ANK3: variants seen among roughly 807,000 people sequenced by gnomAD.
ANK3 encodes ankyrin 3.
Under a neutral mutation model 370.9 loss-of-function variants are expected in ANK3, and 57 were observed. The ratio of observed to expected loss-of-function variants is 0.15; its 90% CI spans 0.12 to 0.19. ANK3 has a LOEUF of 0.19. Among genes scored for constraint, ANK3 ranks in the 10% least tolerant of loss-of-function variants. The probability of loss-of-function intolerance (pLI) is 1.00; values close to 1 mark genes in which losing one functional copy is unlikely to be tolerated. For missense variants in ANK3, 4,439 were observed against 5,302.1 expected (o/e 0.84, Z 5.06); for synonymous variants, 1,929 against 1,946.3 (o/e 0.99, Z 0.23).
intron 1 of ANK3, among the ~76,000 whole-genome samples, chr10:60,718,232 CTTG>C (rs1040991683): frequency 6.6e-6 from 1 of 152,146 alleles, no homozygotes; most frequent in African/African-American, 2.4e-5. Flanking sequence ...TAATAGCATT[CTTG>C]TTGTTGTTTT....
chr10:60,298,762 A>G (rs1462955564), intron 1 of ANK3, among the ~76,000 whole-genome samples: 1 of 152,186 alleles, frequency 6.6e-6, no homozygotes, highest in African/African-American at 2.4e-5. Context: ...TTTGGATCTC[A>G]GATTTTTTAA....
At chr10:60,422,828 T>C (rs2063805409) in intron 2 of ANK3, among the ~76,000 whole-genome samples, 1 of 152,064 alleles carries the variant, frequency 6.6e-6, no homozygotes, top group African/African-American at 2.4e-5. Flanking sequence ...AGAAAGCTCA[T>C]GTGGGAGTGA....
At chr10:60,706,751 A>T (rs1424304810) in intron 1 of ANK3, among the ~76,000 whole-genome samples, 2 of 152,192 alleles carry the variant, frequency 1.3e-5, no homozygotes, top group African/African-American at 4.8e-5. Flanking sequence ...ATTGTTCTCA[A>T]GATGGCCACA....
chr10:60,439,675 G>T (rs2064248470), intron 2 of ANK3, among the ~76,000 whole-genome samples: 1 of 152,186 alleles, frequency 6.6e-6, no homozygotes, highest in Non-Finnish European at 1.5e-5. Context: ...CTAGATGGAG[G>T]TGGTTCTCCA....
At chr10:60,348,705 T>A (rs749778743) in intron 1 of ANK3, among the ~76,000 whole-genome samples, 1 of 152,156 alleles carries the variant, frequency 6.6e-6, no homozygotes, top group Non-Finnish European at 1.5e-5. Context: ...GTTTTTACAC[T>A]CATGATACAT....
At chr10:60,463,615 C>A (rs2064941996) in intron 2 of ANK3, among the ~76,000 whole-genome samples, 1 of 151,400 alleles carries the variant, frequency 6.6e-6, no homozygotes, top group South Asian at 2.1e-4. Flanking sequence ...GGCCCTGTTG[C>A]AAAGGACAGT....
At chr10:60,464,850 AT>A (rs2064973015) in intron 2 of ANK3, among the ~76,000 whole-genome samples, 1 of 152,128 alleles carries the variant, frequency 6.6e-6, no homozygotes, top group Non-Finnish European at 1.5e-5. Flanking sequence ...TCATAAAAAC[AT>A]TTCCTTAGCC....
chr10:60,177,593 C>CTTTTTTTTTTT (rs771714886), intron 18 of ANK3, among the ~76,000 whole-genome samples: 2,281 of 106,188 alleles, frequency 0.021, 8 homozygotes, highest in Middle Eastern at 0.042. Flanking sequence ...GTCTTCAAAT[C>CTTTTTTTTTTT]TTTTTTTTTT....
intron 21 of ANK3, among the ~76,000 whole-genome samples, chr10:60,167,968 T>C (rs1225807929): frequency 6.6e-6 from 1 of 152,154 alleles, no homozygotes; most frequent in Non-Finnish European, 1.5e-5. Context: ...GTGAAGATAG[T>C]ATAGACAGTT....
chr10:60,226,513 A>ATATATATAT (rs2097154140), intron 8 of ANK3, among the ~76,000 whole-genome samples: 1 of 51,818 alleles, frequency 1.9e-5, no homozygotes, highest in African/African-American at 9.1e-5. Context: ...ATATATACAT[A>ATATATATAT]GTATATATAC....
intron 16 of ANK3, among the ~76,000 whole-genome samples, chr10:60,194,922 T>A (rs1321101765): frequency 2.0e-5 from 3 of 152,126 alleles, no homozygotes; most frequent in Non-Finnish European, 4.4e-5. Context: ...CTGTCGAAGA[T>A]AACATACTCT....
chr10:60,660,297 CAT>C (rs1206788229), intron 1 of ANK3, among the ~76,000 whole-genome samples: 4 of 152,084 alleles, frequency 2.6e-5, no homozygotes, highest in East Asian at 1.9e-4. Context: ...GCAAAGTTAA[CAT>C]GTGTGTGGCA....
intron 2 of ANK3, among the ~76,000 whole-genome samples, chr10:60,486,471 T>C (rs2075350560): frequency 6.6e-6 from 1 of 152,118 alleles, no homozygotes; most frequent in South Asian, 2.1e-4. Flanking sequence ...TCCTAGCTAC[T>C]TGGGATGCTG....
intron 2 of ANK3, among the ~76,000 whole-genome samples, chr10:60,456,310 T>G (rs185429614): frequency 7.9e-5 from 12 of 152,334 alleles, no homozygotes; most frequent in Admixed American, 7.8e-4. Flanking sequence ...CTCACTTTCT[T>G]GGAATGAATC....
intron 1 of ANK3, among the ~76,000 whole-genome samples, chr10:60,618,549 G>A (rs2078294418): frequency 6.6e-6 from 1 of 152,082 alleles, no homozygotes; most frequent in Non-Finnish European, 1.5e-5. Context: ...AAAAGAGTAG[G>A]ACTTTGAAGC....
chr10:60,396,053 G>A (rs779128957), intron 2 of ANK3, among the ~76,000 whole-genome samples: 11 of 152,090 alleles, frequency 7.2e-5, no homozygotes, highest in Non-Finnish European at 1.5e-4. Context: ...CTCCCTTTAC[G>A]CCCTGGCTAC....
chr10:60,400,049 T>C (rs2063324195), intron 2 of ANK3, among the ~76,000 whole-genome samples: 1 of 146,822 alleles, frequency 6.8e-6, no homozygotes, highest in Non-Finnish European at 1.5e-5. Flanking sequence ...TGTGTGTGTG[T>C]GTGTGCAGCC....
intron 1 of ANK3, among the ~76,000 whole-genome samples, chr10:60,316,752 TA>T (rs1471714246): frequency 1.3e-5 from 2 of 151,206 alleles, no homozygotes; most frequent in East Asian, 1.9e-4. Context: ...TTTTTATTTT[TA>T]TTTTTTTTTA....
At chr10:60,134,764 GAT>G (rs2094256565) in intron 24 of ANK3, among the ~76,000 whole-genome samples, 1 of 152,178 alleles carries the variant, frequency 6.6e-6, no homozygotes, top group African/African-American at 2.4e-5. Context: ...ATGCGCTACT[GAT>G]AAGAATTATG....
Sources: allele counts gnomAD v4.1 joint callset (sites outside exome capture counted in the v4.1 genomes callset), GRCh38; gene constraint gnomAD v4.1.1; transcripts MANE v1.5; gene names NCBI Gene and HGNC (gene_info 2026-07-23, HGNC 2026-07-21).